The following AGPAT3 variants were observed in gnomAD, a reference collection of about 807,000 sequenced individuals.
AGPAT3 encodes 1-acylglycerol-3-phosphate O-acyltransferase 3, also known as 1-acyl-sn-glycerol-3-phosphate acyltransferase gamma.
A neutral mutation model predicts 47.3 loss-of-function variants in AGPAT3; 5 were observed. That is an observed-to-expected ratio of 0.11 (90% CI 0.06 to 0.22). The LOEUF (loss-of-function observed/expected upper bound fraction) is 0.22, where lower values mean the gene tolerates loss of function less well. Ranked by LOEUF, AGPAT3 falls within the 10% of genes least tolerant of loss-of-function variation. The probability of loss-of-function intolerance (pLI) is 1.00; values close to 1 mark genes in which losing one functional copy is unlikely to be tolerated. For missense variants in AGPAT3, 315 were observed against 493.0 expected (o/e 0.64, Z 3.42); for synonymous variants, 212 against 208.3 (o/e 1.02, Z -0.15).
chr21:43,970,886 G>T lies in AGPAT3; in HGVS notation c.664+80G>T. 1 of 1,265,086 alleles carries T rather than the reference G, an allele frequency of 7.9e-7. No homozygotes were observed. Among genetic ancestry groups the T allele is most frequent in the Non-Finnish European group, 1.0e-6 (1 of 953,234 alleles). The allele number at this position is 1,265,086 out of a possible 1,614,324, so 78.4% of individuals were successfully genotyped here. ...ATTTCTTTAAAAAAAAAAAAAATGA[G>T]TGCATTCCATGTGAAACACAGAAGA... On this transcript the variant is annotated intron_variant, in intron 6 of 9. Coordinates refer to ENST00000291572, the MANE Select transcript of AGPAT3 (RefSeq NM_020132.5). The surrounding 1 kb of genome is among the most constrained non-coding windows in gnomAD (Gnocchi z 5.8).
intron 2 of AGPAT3, among the ~76,000 whole-genome samples, chr21:43,938,969 A>G (rs2146348204): frequency 1.3e-5 from 2 of 152,246 alleles, no homozygotes; most frequent in Admixed American, 1.3e-4. Context: ...TCACAGGTTC[A>G]CAGAAGTAAA....
At chr21:43,958,720 TGTG>T (rs1281805770) in intron 2 of AGPAT3, among the ~76,000 whole-genome samples, 1 of 149,526 alleles carries the variant, frequency 6.7e-6, no homozygotes, top group African/African-American at 2.5e-5. Flanking sequence ...GTTTGTGATG[TGTG>T]GTGTGTGTGG....
chr21:43,931,456 T>C (rs535139482), intron 2 of AGPAT3, among the ~76,000 whole-genome samples: 2 of 152,218 alleles, frequency 1.3e-5, no homozygotes, highest in Non-Finnish European at 2.9e-5. Flanking sequence ...TTTGAATAAA[T>C]CATTAAGTTT....
Position 43,933,278 on chromosome 21 carries a change from T to A in AGPAT3, c.-48-26356T>A, listed in dbSNP as rs9306164. The stretch of plus-strand genomic sequence containing the variant: ...CTATTGAGTCTGAGCCCCTTTACCC[T>A]GTGGATGCTGGGCCTGCATCGGGCA... On this transcript the variant is annotated intron_variant, in intron 2 of 9. Coordinates refer to ENST00000291572, the MANE Select transcript of AGPAT3 (RefSeq NM_020132.5). This position sits in a 1 kb window ranked among gnomAD's most constrained non-coding sequence, Gnocchi z 6.0. Among the ~76,000 whole-genome samples, 4 of 151,950 alleles carry A rather than the reference T, an allele frequency of 2.6e-5. No individual in the cohort carries two copies. The highest frequency in any genetic ancestry group is 5.9e-5 in the Non-Finnish European group (4 of 67,988).
chr21:43,973,600 G>A (rs879514748), intron 7 of AGPAT3, among the ~76,000 whole-genome samples: 15 of 152,198 alleles, frequency 9.9e-5, no homozygotes, highest in African/African-American at 2.7e-4. Flanking sequence ...CCTCCCTGCC[G>A]CTGCCTTTAT....
Position 43,987,025 on chromosome 21 carries a change from C to T in AGPAT3, c.*4633C>T, listed in dbSNP as rs373406462. ...GGACCTGTGTACACAGGCAGGTGTG[C>T]GCCTGCCCGAGCGCGAGTAGCTCTT... On this transcript the variant is annotated 3_prime_UTR_variant, in exon 10 of 10. Transcript: ENST00000291572. Among the ~76,000 whole-genome samples the T allele has an allele frequency of 3.9e-5, 6 of 152,314 alleles. No individual in the cohort carries two copies. The highest frequency in any genetic ancestry group is 2.1e-4 in the South Asian group (1 of 4,828).
intron 2 of AGPAT3, among the ~76,000 whole-genome samples, chr21:43,953,311 C>T (rs563620950): frequency 3.3e-5 from 5 of 152,266 alleles, no homozygotes; most frequent in Admixed American, 1.3e-4. Flanking sequence ...GAAACAGGGA[C>T]GGGATGTTCG....
intron 1 of AGPAT3, among the ~76,000 whole-genome samples, chr21:43,870,382 G>A (rs2085598587): frequency 6.6e-6 from 1 of 152,132 alleles, no homozygotes; most frequent in African/African-American, 2.4e-5. Context: ...GAGCCCCAAA[G>A]CCTTTGTAAC....
At chr21:43,938,400 C>T (rs1022142602) in intron 2 of AGPAT3, among the ~76,000 whole-genome samples, 7 of 146,244 alleles carry the variant, frequency 4.8e-5, no homozygotes, top group African/African-American at 1.0e-4. Context: ...CTCTGCCTCC[C>T]GAGTTCAAGC....
In AGPAT3 at chr21:43,920,238, AGT is replaced by A. The variant is rs374245534; in HGVS notation, c.-49+16230_-49+16231del. Among the ~76,000 whole-genome samples the A allele has an allele frequency of 4.6e-5, 7 of 151,318 alleles. No individual in the cohort carries two copies. In the South Asian group the frequency reaches 6.3e-4, roughly 14 times the overall value. Reference sequence around the variant, plus strand: ...GTGTGTGTGTGAGAGATTGTGAGTGAGTGTGTGTGTGTAAGGGTGTGTGTAAA... The same window carrying A: ...GTGTGTGTGTGAGAGATTGTGAGTGAGTGTGTGTGTAAGGGTGTGTGTAAA... On this transcript the variant is annotated intron_variant, in intron 2 of 9. Coordinates refer to ENST00000291572, the MANE Select transcript of AGPAT3 (RefSeq NM_020132.5). The surrounding 1 kb of genome is among the most constrained non-coding windows in gnomAD (Gnocchi z 6.1).
intron 1 of AGPAT3, among the ~76,000 whole-genome samples, chr21:43,892,436 G>A (rs567441010): frequency 1.1e-4 from 17 of 152,280 alleles, no homozygotes; most frequent in South Asian, 6.2e-4. Context: ...GGGTGACCAC[G>A]TGCATTGGCA....
At chr21:43,936,100 CGTG>C (rs1418566900) in intron 2 of AGPAT3, among the ~76,000 whole-genome samples, 3 of 152,210 alleles carry the variant, frequency 2.0e-5, no homozygotes, top group African/African-American at 7.2e-5. Flanking sequence ...TGGGGACAGC[CGTG>C]GTGGTCAATC....
At chr21:43,950,027 C>T (rs527888601) in intron 2 of AGPAT3, among the ~76,000 whole-genome samples, 73 of 152,358 alleles carry the variant, frequency 4.8e-4, no homozygotes, top group African/African-American at 1.6e-3. Flanking sequence ...AGGCACCAGC[C>T]AGGCAGTCTT....
chr21:43,949,825 C>T (rs1364488766), intron 2 of AGPAT3, among the ~76,000 whole-genome samples: 1 of 152,232 alleles, frequency 6.6e-6, no homozygotes, highest in African/African-American at 2.4e-5. Context: ...ACACCTTCTG[C>T]TTTTGTGTGT....
At chr21:43,890,191 A>G (rs144279034) in intron 1 of AGPAT3, among the ~76,000 whole-genome samples, 62 of 152,194 alleles carry the variant, frequency 4.1e-4, no homozygotes, top group African/African-American at 1.5e-3. Flanking sequence ...TAACTGTGAT[A>G]GAGTTGTCGT....
At position 43,987,354 on chromosome 21, in the gene AGPAT3, A is replaced by G. The variant is rs1300883700; in HGVS notation, c.*4962A>G. Among the ~76,000 whole-genome samples the G allele has an allele frequency of 6.6e-6, 1 of 152,130 alleles. No individual in the cohort carries two copies. The highest frequency in any genetic ancestry group is 2.4e-5 in the African/African-American group (1 of 41,426). ...TCTGGGAGGGGAAATTGAAAAGGAG[A>G]GCGGTCACCTGGCAAAAACACAGGG... On this transcript the variant is annotated 3_prime_UTR_variant, in exon 10 of 10. Coordinates refer to ENST00000291572, the MANE Select transcript of AGPAT3 (RefSeq NM_020132.5).
At position 43,981,999 on chromosome 21, in the gene AGPAT3, G is replaced by A. The variant is rs2089870145; in HGVS notation, c.1043-305G>A. ...GTTTGCAAGGCCGAGCTGTTAGAAT[G>A]CCCCGAAGCCCTTCTGCTCCCACCA... On this transcript the variant is annotated intron_variant, in intron 9 of 9. Transcript: ENST00000291572. This position sits in a 1 kb window ranked among gnomAD's most constrained non-coding sequence, Gnocchi z 5.3. Among the ~76,000 whole-genome samples the A allele has an allele frequency of 6.6e-6, 1 of 152,212 alleles. No individual in the cohort carries two copies. The highest frequency in any genetic ancestry group is 6.5e-5 in the Admixed American group (1 of 15,292).
At chr21:43,936,479 C>T (rs1001519803) in intron 2 of AGPAT3, among the ~76,000 whole-genome samples, 6 of 152,234 alleles carry the variant, frequency 3.9e-5, no homozygotes, top group Non-Finnish European at 2.9e-5. Flanking sequence ...GCCTGGGAGT[C>T]AAAGCTGCAA....
intron 2 of AGPAT3, among the ~76,000 whole-genome samples, chr21:43,945,901 A>T (rs1417362244): frequency 1.3e-5 from 2 of 152,156 alleles, no homozygotes; most frequent in African/African-American, 2.4e-5. Flanking sequence ...ATCCCCAGGC[A>T]GCCCTGTGGG....
Sources: gnomAD v4.1 joint callset for allele counts (sites outside exome capture counted in the v4.1 genomes callset) on GRCh38, gnomAD v4.1.1 for gene constraint, Gnocchi (gnomAD v3.1) non-coding constraint, MANE v1.5 for transcripts, NCBI Gene and HGNC (gene_info 2026-07-23, HGNC 2026-07-21) for gene names.